CLYBL: variants seen among roughly 807,000 people sequenced by gnomAD.
CLYBL encodes citramalyl-CoA lyase.
CLYBL carries 31 observed loss-of-function variants against 38.9 expected under a neutral mutation model. The ratio of observed to expected loss-of-function variants is 0.80; its 90% CI spans 0.60 to 1.08. CLYBL has a LOEUF of 1.08. CLYBL is among the 50% of genes least tolerant of loss of function. The pLI is 0.00. For synonymous variants in CLYBL, 171 were observed against 158.6 expected (o/e 1.08, Z -0.59); for missense variants, 434 against 411.6 (o/e 1.05, Z -0.47).
intron 1 of CLYBL, among the ~76,000 whole-genome samples, chr13:99,760,694 G>A (rs892280551): frequency 6.6e-5 from 10 of 152,300 alleles, no homozygotes; most frequent in African/African-American, 2.4e-4. Context: ...CCTTGTATGT[G>A]ATGATTTGTA....
chr13:99,904,277 C>A (rs1219816483), intron 8 of CLYBL, among the ~76,000 whole-genome samples: 1 of 152,194 alleles, frequency 6.6e-6, no homozygotes, highest in Admixed American at 6.5e-5. Flanking sequence ...AGAGAAACAG[C>A]CAGACAGAAC....
chr13:99,883,713 A>G (rs1345367393), intron 7 of CLYBL, among the ~76,000 whole-genome samples: 1 of 152,064 alleles, frequency 6.6e-6, no homozygotes, highest in South Asian at 2.1e-4. Context: ...GTCACTGGTG[A>G]CCAGAGACAC....
At chr13:99,609,646 C>A (rs946209105) in intron 1 of CLYBL, among the ~76,000 whole-genome samples, 1 of 152,150 alleles carries the variant, frequency 6.6e-6, no homozygotes, top group East Asian at 1.9e-4. Flanking sequence ...AAGCTGTCCT[C>A]CCACCTCAGC....
intron 7 of CLYBL, among the ~76,000 whole-genome samples, chr13:99,881,319 TA>T (rs1218024255): frequency 6.6e-6 from 1 of 152,196 alleles, no homozygotes; most frequent in Non-Finnish European, 1.5e-5. Flanking sequence ...AAAATATTAT[TA>T]AAATACCGAT....
chr13:99,694,191 C>T (rs1331169842), intron 1 of CLYBL, among the ~76,000 whole-genome samples: 1 of 152,142 alleles, frequency 6.6e-6, no homozygotes, highest in Non-Finnish European at 1.5e-5. Flanking sequence ...TCTGTGTCTT[C>T]CCTCCCTTGT....
intron 1 of CLYBL, among the ~76,000 whole-genome samples, chr13:99,614,995 C>T (rs1194382721): frequency 6.6e-6 from 1 of 152,168 alleles, no homozygotes; most frequent in Admixed American, 6.5e-5. Context: ...GTACTTCATT[C>T]GTCTAGAAAT....
intron 1 of CLYBL, among the ~76,000 whole-genome samples, chr13:99,694,354 C>A (rs2139438457): frequency 6.6e-6 from 1 of 152,356 alleles, no homozygotes; most frequent in South Asian, 2.1e-4. Context: ...GTATGTGTTA[C>A]AGCTGCAACC....
intron 1 of CLYBL, among the ~76,000 whole-genome samples, chr13:99,684,035 A>ATTTTTTTTTTTTTTTTTTT (rs778902077): frequency 6.9e-5 from 6 of 86,378 alleles, no homozygotes; most frequent in Admixed American, 2.7e-4. Context: ...TGCCTGGCTA[A>ATTTTTTTTTTTTTTTTTTT]TTTTTTTTTT....
intron 1 of CLYBL, among the ~76,000 whole-genome samples, chr13:99,754,416 CAAA>C (rs1172376194): frequency 1.5e-4 from 11 of 71,876 alleles, no homozygotes; most frequent in Non-Finnish European, 1.6e-4. Context: ...GACCCTGTCT[CAAA>C]AAAAAAAAAA....
At chr13:99,723,904 C>G (rs551210665) in intron 1 of CLYBL, among the ~76,000 whole-genome samples, 2 of 152,278 alleles carry the variant, frequency 1.3e-5, no homozygotes, top group East Asian at 3.9e-4. Context: ...TGTTTTTCAT[C>G]AAGGGCGGAG....
rs10631674 is a variant in CLYBL, at chr13:99,793,033, A to AACACACAC, written c.249+20051_249+20058dup. Reference sequence around the variant, plus strand: ...TCTTCTTGTGCACATGTGCATACATAACACACACACACACACACACACACA... The same window carrying AACACACAC: ...TCTTCTTGTGCACATGTGCATACATAACACACACACACACACACACACACACACACACA... On this transcript the variant is annotated intron_variant, in intron 2 of 8. Transcript: ENST00000339105. 3.0e-3 allele frequency among the ~76,000 whole-genome samples: 437 copies of AACACACAC among 146,044 alleles called. 11 individuals carry two copies. The South Asian group carries it at 0.067, about 23-fold the overall frequency.
At chr13:99,797,564 G>GTGTGTGTGTGTGTGTGTGTGTGTGTT (rs1192395542) in intron 2 of CLYBL, among the ~76,000 whole-genome samples, 22 of 151,050 alleles carry the variant, frequency 1.5e-4, no homozygotes, top group Admixed American at 1.2e-3. Flanking sequence ...AGCTGTTTGT[G>GTGTGTGTGTGTGTGTGTGTGTGTGTT]TGTGTGTGTG....
intron 7 of CLYBL, among the ~76,000 whole-genome samples, chr13:99,887,966 G>A (rs745653033): frequency 7.9e-5 from 12 of 151,570 alleles, no homozygotes; most frequent in Non-Finnish European, 1.3e-4. Flanking sequence ...AGCAATTCTC[G>A]TGCCTCAACC....
At chr13:99,840,373 A>G (rs2051041837) in intron 2 of CLYBL, among the ~76,000 whole-genome samples, 1 of 151,968 alleles carries the variant, frequency 6.6e-6, no homozygotes, top group Admixed American at 6.6e-5. Flanking sequence ...ATACTTTGGG[A>G]GGCTGAGGTG....
At chr13:99,687,138 ACTC>A (rs2047829607) in intron 1 of CLYBL, among the ~76,000 whole-genome samples, 1 of 151,990 alleles carries the variant, frequency 6.6e-6, no homozygotes, top group Non-Finnish European at 1.5e-5. Flanking sequence ...AGCATGGAGC[ACTC>A]CTCCTCAATC....
intron 1 of CLYBL, among the ~76,000 whole-genome samples, chr13:99,669,006 CTT>C (rs373579427): frequency 7.1e-5 from 10 of 140,044 alleles, no homozygotes; most frequent in Non-Finnish European, 7.8e-5. Flanking sequence ...AGGCCCTCAG[CTT>C]TTTTTTTTTT....
intron 2 of CLYBL, among the ~76,000 whole-genome samples, chr13:99,827,900 T>C (rs965063396): frequency 2.6e-5 from 4 of 152,182 alleles, no homozygotes; most frequent in African/African-American, 7.2e-5. Flanking sequence ...AGTCAAAAAG[T>C]TGGCCATTGT....
chr13:99,649,595 G>A (rs948757687), intron 1 of CLYBL, among the ~76,000 whole-genome samples: 3 of 152,240 alleles, frequency 2.0e-5, no homozygotes, highest in African/African-American at 7.2e-5. Context: ...ACCAGGCGCT[G>A]TGGCTCACGC....
downstream of CLYBL, chr13:99,894,718 C>T (rs1455077246): frequency 2.4e-5 from 3 of 125,082 alleles, no homozygotes; most frequent in Non-Finnish European, 3.2e-5. Context: ...CTTTATTCCC[C>T]TAATACCTTG....
Sources: allele counts gnomAD v4.1 joint callset (sites outside exome capture counted in the v4.1 genomes callset), GRCh38; gene constraint gnomAD v4.1.1; transcripts MANE v1.5; gene names NCBI Gene and HGNC (gene_info 2026-07-23, HGNC 2026-07-21).